COL19A1: variants seen among roughly 807,000 people sequenced by gnomAD.
The protein encoded by COL19A1 is collagen alpha-1(XIX) chain.
Under a neutral mutation model 190.2 loss-of-function variants are expected in COL19A1, and 159 were observed. The observed-to-expected ratio is 0.84, with a 90% CI of 0.73 to 0.95. The LOEUF (loss-of-function observed/expected upper bound fraction) is 0.95. Among genes scored for constraint, COL19A1 ranks in the 40% least tolerant of loss-of-function variants. The pLI, the probability that COL19A1 is intolerant of heterozygous loss-of-function variation, is 0.00. For missense variants in COL19A1, 1,418 were observed against 1,431.9 expected (o/e 0.99, Z 0.16); for synonymous variants, 509 against 458.9 (o/e 1.11, Z -1.39).
chr6:69,984,112 G>T (rs1436767584), intron 11 of COL19A1, among the ~76,000 whole-genome samples: 1 of 151,912 alleles, frequency 6.6e-6, no homozygotes, highest in African/African-American at 2.4e-5. Context: ...TTACATTATG[G>T]GTTTAATTAT....
chr6:70,058,574 G>T (rs1172768918), intron 14 of COL19A1, among the ~76,000 whole-genome samples: 1 of 151,988 alleles, frequency 6.6e-6, no homozygotes, highest in African/African-American at 2.4e-5. Flanking sequence ...ACTGACTACT[G>T]ATTTTGATAA....
At position 70,062,365 on chromosome 6, in the gene COL19A1, G is replaced by T. The variant is rs138878974; in HGVS notation, c.1171-6058G>T. ...TTTATTCAAAATAAAATTAGATGGT[G>T]AAATTAAGCATGTATGACATTCATG... On this transcript the variant is annotated intron_variant, in intron 14 of 50. Coordinates refer to ENST00000620364, the MANE Select transcript of COL19A1 (RefSeq NM_001858.6). Among the ~76,000 whole-genome samples, 264 of 152,118 alleles carry T rather than the reference G, an allele frequency of 1.7e-3. 1 individual carries two copies. The highest frequency in any genetic ancestry group is 6.0e-3 in the African/African-American group (249 of 41,538).
chr6:70,039,057 A>G (rs776009568), intron 14 of COL19A1, among the ~76,000 whole-genome samples: 24 of 141,362 alleles, frequency 1.7e-4, no homozygotes, highest in Non-Finnish European at 3.2e-4. Context: ...ACTCCGTCTG[A>G]AAAAAAAAAA....
chr6:69,926,418 T>A (rs1231050961), intron 4 of COL19A1, among the ~76,000 whole-genome samples: 1 of 152,098 alleles, frequency 6.6e-6, no homozygotes, highest in Admixed American at 6.6e-5. Context: ...ATGAGAATGA[T>A]GTCTTACCAA....
chr6:70,168,730 A>C, intron 40 of COL19A1, 49 bp downstream of exon 40: 1 of 1,601,930 alleles, frequency 6.2e-7, no homozygotes, highest in South Asian at 1.1e-5. Context: ...GGTCTTTGTT[A>C]AATTTTGAAA....
At chr6:69,961,926 G>A (rs1204325878) in intron 10 of COL19A1, among the ~76,000 whole-genome samples, 5 of 151,980 alleles carry the variant, frequency 3.3e-5, no homozygotes, top group African/African-American at 9.7e-5. Flanking sequence ...ATGTACCAAG[G>A]GTCACCTTGT....
intron 11 of COL19A1, among the ~76,000 whole-genome samples, chr6:69,994,908 C>A (rs867301421): frequency 6.6e-6 from 1 of 152,124 alleles, no homozygotes; most frequent in East Asian, 1.9e-4. Context: ...CCCACGGTGT[C>A]CCCACATCCT....
chr6:70,162,044 T>C (rs1258014396), intron 35 of COL19A1, 91 bp downstream of exon 35: 4 of 1,155,338 alleles, frequency 3.5e-6, no homozygotes, highest in Non-Finnish European at 4.8e-6. Context: ...TTTTGTTCTC[T>C]GTGCCTCTAT....
chr6:70,207,357 T>A lies in COL19A1; in HGVS notation c.*83T>A. ...AATACCGTCAAACCCTCATCATCTG[T>A]GGGTTGCTTTTTTTTTTTTTTTTTT... On this transcript the variant is annotated 3_prime_UTR_variant, in exon 51 of 51. Transcript: ENST00000620364. 1 of 683,938 alleles carries A rather than the reference T, an allele frequency of 1.5e-6. No homozygotes were observed. Among genetic ancestry groups the A allele is most frequent in the Non-Finnish European group, 2.0e-6 (1 of 501,954 alleles). The allele number at this position is 683,938 out of a possible 1,614,324, so 42.4% of individuals were successfully genotyped here.
chr6:70,195,450 C>G (rs1213470974), intron 48 of COL19A1, among the ~76,000 whole-genome samples: 1 of 152,134 alleles, frequency 6.6e-6, no homozygotes, highest in Admixed American at 6.5e-5. Flanking sequence ...TCAGTCTGGT[C>G]AGATTCTCCA....
chr6:69,869,592 C>T (rs1767696708), intron 1 of COL19A1, among the ~76,000 whole-genome samples: 1 of 151,828 alleles, frequency 6.6e-6, no homozygotes, highest in Admixed American at 6.6e-5. Flanking sequence ...GAAAATACGG[C>T]CATATATTAT....
At chr6:70,158,897 T>C (rs1052746167) in intron 34 of COL19A1, among the ~76,000 whole-genome samples, 4 of 152,130 alleles carry the variant, frequency 2.6e-5, no homozygotes, top group African/African-American at 4.8e-5. Context: ...TTTGTCTTCT[T>C]TAATGATCAT....
chr6:70,160,059 G>A (rs568953565), intron 34 of COL19A1, among the ~76,000 whole-genome samples: 1 of 152,164 alleles, frequency 6.6e-6, no homozygotes, highest in African/African-American at 2.4e-5. Context: ...ACCCAGGAGG[G>A]ACTTCTGGCA....
At chr6:70,163,471 G>C in intron 36 of COL19A1, 75 bp downstream of exon 36, 31 of 1,384,866 alleles carry the variant, frequency 2.2e-5, no homozygotes, top group Non-Finnish European at 2.9e-5. Context: ...TTCACAGAGA[G>C]AGCCATAAAA....
At chr6:70,180,030 G>A (rs577752765) in intron 42 of COL19A1, among the ~76,000 whole-genome samples, 15 of 152,140 alleles carry the variant, frequency 9.9e-5, no homozygotes, top group African/African-American at 2.2e-4. Context: ...TTACAGGCAC[G>A]TCCCACCATG....
chr6:69,943,149 T>A (rs1368256306), intron 9 of COL19A1, among the ~76,000 whole-genome samples: 3 of 152,122 alleles, frequency 2.0e-5, no homozygotes, highest in Non-Finnish European at 4.4e-5. Flanking sequence ...TCATGATTAA[T>A]GTTGAGCATT....
intron 16 of COL19A1, among the ~76,000 whole-genome samples, chr6:70,114,886 C>G (rs1784475546): frequency 2.6e-5 from 4 of 152,154 alleles, no homozygotes; most frequent in Admixed American, 2.6e-4. Flanking sequence ...AAATTGAGAG[C>G]ATTTAAGTTT....
intron 27 of COL19A1, 100 bp downstream of exon 27, chr6:70,146,989 G>T: frequency 9.5e-7 from 1 of 1,049,574 alleles, no homozygotes. Context: ...GGTCAGAGAC[G>T]GAAATACAAA....
intron 17 of COL19A1, among the ~76,000 whole-genome samples, chr6:70,125,333 A>C (rs368951195): frequency 6.6e-6 from 1 of 152,234 alleles, no homozygotes; most frequent in Non-Finnish European, 1.5e-5. Context: ...ACAGTCACAC[A>C]GCCCAGATTC....
Sources: allele counts gnomAD v4.1 joint callset (sites outside exome capture counted in the v4.1 genomes callset), GRCh38; gene constraint gnomAD v4.1.1; transcripts MANE v1.5; gene names NCBI Gene and HGNC (gene_info 2026-07-23, HGNC 2026-07-21).